Variants in RAC1 observed in about 807,000 individuals in gnomAD.
The protein encoded by RAC1 is ras-related C3 botulinum toxin substrate 1.
A neutral mutation model predicts 25.2 loss-of-function variants in RAC1; 2 were observed. That is an observed-to-expected ratio of 0.08 (90% confidence interval 0.03 to 0.25). The LOEUF (loss-of-function observed/expected upper bound fraction) is 0.25. RAC1 is among the 10% of genes least tolerant of loss of function. RAC1 has a pLI of 1.00. For missense variants in RAC1, 50 were observed against 235.7 expected (o/e 0.21, Z 5.16); for synonymous variants, 88 against 94.0 (o/e 0.94, Z 0.37).
chr7:6,393,725 C>G (rs928359335), intron 3 of RAC1, among the ~76,000 whole-genome samples: 2 of 152,108 alleles, frequency 1.3e-5, no homozygotes, highest in African/African-American at 4.8e-5. Context: ...GGTTCTTGCC[C>G]TCAGGTAGTT....
rs1002016934 is a variant in RAC1 at position 6,392,117 on chromosome 7, T to C, written c.225+76T>C. On this transcript the variant is annotated intron_variant, in intron 3 of 5. Transcript: ENST00000348035. ...GAGCGCTTAATTAGTGCATGTTACC[T>C]ATGGACTTGCTTATATTGCCATCAT... 5 of 1,596,746 alleles carry C rather than the reference T, an allele frequency of 3.1e-6. No homozygotes were observed. In the Admixed American group the frequency reaches 8.5e-5, roughly 27 times the overall value.
Position 6,401,864 on chromosome 7 carries a change from C to G in RAC1, c.289-4C>G, listed in dbSNP as rs749868187. 6 of 1,611,748 alleles carry G rather than the reference C, an allele frequency of 3.7e-6. No individual in the cohort carries two copies. Among genetic ancestry groups the G allele is most frequent in the Non-Finnish European group, 5.1e-6 (6 of 1,178,746 alleles). On this transcript the variant is annotated splice_polypyrimidine_tract_variant and splice_region_variant and intron_variant, in intron 4 of 5. Coordinates refer to ENST00000348035, the MANE Select transcript of RAC1 (RefSeq NM_006908.5). The stretch of plus-strand genomic sequence containing the variant: ...CACAACCTCTGTTCCTTCTTCACAT[C>G]TAGTGGTATCCTGAGGTGCGGCACC...
At chr7:6,389,679 C>G (rs1783031535) in intron 2 of RAC1, among the ~76,000 whole-genome samples, 1 of 151,408 alleles carries the variant, frequency 6.6e-6, no homozygotes, top group African/African-American at 2.4e-5. Flanking sequence ...GACATTGTCT[C>G]CAAAAAAGAA....
Position 6,403,876 on chromosome 7 carries a change from T to C in RAC1, c.*1430T>C, listed in dbSNP as rs34737129. ...CAACAGAATTTTTTAAATTGACAGT[T>C]GCAGAATTGTGGAGTGTTTTTACAT... On this transcript the variant is annotated 3_prime_UTR_variant, in exon 6 of 6. Coordinates refer to ENST00000348035, the MANE Select transcript of RAC1 (RefSeq NM_006908.5). 6.7e-3 allele frequency: 1,493 copies of C among 224,052 alleles called. 26 individuals carry two copies. Among genetic ancestry groups the C allele is most frequent in the African/African-American group, 0.031 (1,397 of 44,930 alleles). The allele number at this position is 224,052 out of a possible 1,614,324, so 13.9% of individuals were successfully genotyped here.
chr7:6,386,805 GAAAA>G (rs1169232256), intron 1 of RAC1, among the ~76,000 whole-genome samples: 17 of 143,034 alleles, frequency 1.2e-4, no homozygotes, highest in Admixed American at 2.1e-4. Flanking sequence ...AAAAAAAAAA[GAAAA>G]AAAAGAAAAA....
rs1350497784 is a variant in RAC1, at chr7:6,403,795, G to A, written c.*1349G>A. 1.4e-5 allele frequency: 3 copies of A among 214,588 alleles called. No homozygotes were observed. The highest frequency in any genetic ancestry group is 6.8e-5 in the African/African-American group (3 of 44,252). 13.3% of individuals were successfully genotyped at this position (214,588 alleles called of 1,614,324 possible). ...TGTAAACTGTGCTAGTGCTGACGAT[G>A]TTCTGTACAACTTAACTCACTGGCG... On this transcript the variant is annotated 3_prime_UTR_variant, in exon 6 of 6. Coordinates refer to ENST00000348035, the MANE Select transcript of RAC1 (RefSeq NM_006908.5).
chr7:6,386,238 C>G (rs548149129), intron 1 of RAC1, among the ~76,000 whole-genome samples: 2 of 152,228 alleles, frequency 1.3e-5, no homozygotes, highest in East Asian at 1.9e-4. Flanking sequence ...GTGATAGTCC[C>G]TGCTTATAGA....
chr7:6,380,949 A>G (rs1272196139), intron 1 of RAC1, among the ~76,000 whole-genome samples: 3 of 151,944 alleles, frequency 2.0e-5, no homozygotes, highest in African/African-American at 4.8e-5. Flanking sequence ...GCTCACTGCA[A>G]TCTCCGCATC....
Position 6,376,779 on chromosome 7 carries a change from G to GTT in RAC1, c.35+2029_35+2030dup, listed in dbSNP as rs35795933. Among the ~76,000 whole-genome samples the GTT allele has an allele frequency of 3.3e-3, 384 of 116,334 alleles. 3 individuals carry two copies. The highest frequency in any genetic ancestry group is 0.022 in the South Asian group (82 of 3,668). The allele number at this position is 116,334 out of a possible 152,430, so 76.3% of individuals were successfully genotyped here. ...TCAAGTGATCCGCCCGCCTCGGCCTGTTTTTTTTTTTTTTTTTTTTTAAGT... is the reference window on the plus strand; with the variant it reads ...TCAAGTGATCCGCCCGCCTCGGCCTGTTTTTTTTTTTTTTTTTTTTTTTAAGT... On this transcript the variant is annotated intron_variant, in intron 1 of 5. Coordinates refer to ENST00000348035, the MANE Select transcript of RAC1 (RefSeq NM_006908.5).
intron 1 of RAC1, among the ~76,000 whole-genome samples, chr7:6,384,519 CCT>C (rs1197976872): frequency 1.3e-5 from 2 of 152,196 alleles, no homozygotes; most frequent in African/African-American, 4.8e-5. Flanking sequence ...TGCTTTGTCA[CCT>C]AGGCTGGGTG....
At chr7:6,400,371 C>T (rs1302852104) in intron 4 of RAC1, among the ~76,000 whole-genome samples, 183 bp downstream of exon 4, 2 of 151,676 alleles carry the variant, frequency 1.3e-5, no homozygotes, top group Admixed American at 6.6e-5. Context: ...CTGTTGTGTC[C>T]AGGCTGGAGT....
chr7:6,380,738 TG>T (rs1782739973), intron 1 of RAC1, among the ~76,000 whole-genome samples: 1 of 152,208 alleles, frequency 6.6e-6, no homozygotes, highest in Non-Finnish European at 1.5e-5. Flanking sequence ...CACATACCCA[TG>T]GCCTGGATTC....
rs1387975330 is a variant in RAC1, at chr7:6,402,795, A to T, written c.*349A>T. 5 of 216,908 alleles carry T rather than the reference A, an allele frequency of 2.3e-5. No individual in the cohort carries two copies. The East Asian group carries it at 3.6e-4, about 16-fold the overall frequency. The allele number at this position is 216,908 out of a possible 1,614,324, so 13.4% of individuals were successfully genotyped here. The stretch of plus-strand genomic sequence containing the variant: ...TGAACTACACTGCATTGTTGTGCCG[A>T]GAACACCGAGCACTGAACTTTGCAA... On this transcript the variant is annotated 3_prime_UTR_variant, in exon 6 of 6. Coordinates refer to ENST00000348035, the MANE Select transcript of RAC1 (RefSeq NM_006908.5).
rs1019057386 is a variant in RAC1 at position 6,402,291 on chromosome 7, T to G, written c.449-25T>G. ...GAAGAGAGTGGGGTCGAGTGTACAT[T>G]GCCGTGTGGTCGTGTTTCCTGTAGG... On this transcript the variant is annotated intron_variant, in intron 5 of 5. Transcript: ENST00000348035. The G allele has an allele frequency of 5.0e-6, 8 of 1,588,232 alleles. No individual in the cohort carries two copies. In the African/African-American group the frequency reaches 1.1e-4, roughly 21 times the overall value.
At chr7:6,386,959 T>C (rs1415262491) in intron 1 of RAC1, among the ~76,000 whole-genome samples, 1 of 151,916 alleles carries the variant, frequency 6.6e-6, no homozygotes, top group East Asian at 1.9e-4. Context: ...CTATTAATGC[T>C]AACACCGGGT....
chr7:6,401,114 C>G (rs551497144), intron 4 of RAC1, among the ~76,000 whole-genome samples: 1 of 152,234 alleles, frequency 6.6e-6, no homozygotes, highest in Non-Finnish European at 1.5e-5. Flanking sequence ...CGCCAACACA[C>G]CTGGCTAATT....
intron 5 of RAC1, 115 bp downstream of exon 5, chr7:6,402,142 C>A: frequency 7.0e-7 from 1 of 1,438,074 alleles, no homozygotes; most frequent in South Asian, 1.3e-5. Context: ...CTGGTGTACT[C>A]TTGGGGAACC....
Position 6,387,108 on chromosome 7 carries a change from G to A in RAC1, c.36-104G>A, listed in dbSNP as rs530811861. Reference sequence around the variant, plus strand: ...TTTTCTTTAATGCTAAGTATGTGATGTATATGCCTTGATTTTTTTTCTCTA... The same window carrying A: ...TTTTCTTTAATGCTAAGTATGTGATATATATGCCTTGATTTTTTTTCTCTA... On this transcript the variant is annotated intron_variant, in intron 1 of 5. Coordinates refer to ENST00000348035, the MANE Select transcript of RAC1 (RefSeq NM_006908.5). 4 of 716,748 alleles carry A rather than the reference G, an allele frequency of 5.6e-6. No homozygotes were observed. In the East Asian group the frequency reaches 8.0e-5, roughly 14 times the overall value. The allele number at this position is 716,748 out of a possible 1,614,324, so 44.4% of individuals were successfully genotyped here. A position where few individuals can be genotyped will look rare whatever the true frequency, so the allele number is the denominator to read the frequency against.
At chr7:6,396,426 C>T (rs1783236099) in intron 3 of RAC1, among the ~76,000 whole-genome samples, 2 of 151,920 alleles carry the variant, frequency 1.3e-5, no homozygotes, top group East Asian at 3.9e-4. Context: ...TAGCTGGGGA[C>T]GAAGAAGGAA....
Sources: allele counts gnomAD v4.1 joint callset (sites outside exome capture counted in the v4.1 genomes callset), GRCh38; gene constraint gnomAD v4.1.1; transcripts MANE v1.5; gene names NCBI Gene and HGNC (gene_info 2026-07-23, HGNC 2026-07-21).